Variants in ADAMTSL3 observed in about 807,000 individuals in gnomAD.
The protein encoded by ADAMTSL3 is ADAMTS like 3.
A neutral mutation model predicts 201.7 loss-of-function variants in ADAMTSL3; 128 were observed. That is an observed-to-expected ratio of 0.63 (90% CI 0.55 to 0.73). ADAMTSL3 has a LOEUF of 0.73. Ranked by LOEUF, ADAMTSL3 falls within the 30% of genes least tolerant of loss-of-function variation. The pLI is 0.00. For synonymous variants in ADAMTSL3, 738 were observed against 748.4 expected, an observed-to-expected ratio of 0.99 and a Z score of 0.23; for missense variants, 1,990 against 2,119.6, an observed-to-expected ratio of 0.94 and a Z score of 1.20.
intron 8 of ADAMTSL3, among the ~76,000 whole-genome samples, chr15:83,863,618 T>C (rs568049294): frequency 1.1e-3 from 167 of 152,308 alleles, no homozygotes; most frequent in South Asian, 6.0e-3. Context: ...CAAAGCAGTA[T>C]GTAGAGGGAA....
In ADAMTSL3 at chr15:83,970,597, G is replaced by T. The variant is rs770773405; in HGVS notation, c.2604G>T (p.Gly868=). Residue 868 remains glycine, a synonymous_variant, in exon 20 of 30, where the codon GGG becomes GGT. Transcript: ENST00000286744. ...AGATGATGTGCAGGGATCTACCAGGGCTCCCTCTTGTAAGATCTTGCCAGA... is the reference window on the plus strand; with the variant it reads ...AGATGATGTGCAGGGATCTACCAGGTCTCCCTCTTGTAAGATCTTGCCAGA... The part of the protein sequence containing the change: ...LSEMMCRDLP[G]LPLVRSCQMP... 1 of 1,614,192 alleles carries T rather than the reference G, an allele frequency of 6.2e-7. No homozygotes were observed.
chr15:83,804,572 G>GTT, intron 4 of ADAMTSL3, 78 bp from the exon 5 acceptor site: 1 of 669,678 alleles, frequency 1.5e-6, no homozygotes, highest in Non-Finnish European at 2.2e-6. Context: ...CCTTGTATTT[G>GTT]CTTTTTTTTT....
At chr15:83,687,186 A>G in intron 2 of ADAMTSL3, among the ~76,000 whole-genome samples, 1 of 152,236 alleles carries the variant, frequency 6.6e-6, no homozygotes. Context: ...CCTGGGCCGC[A>G]GAGTGAAACT....
At chr15:83,965,076 T>C (rs1489499419) in intron 19 of ADAMTSL3, among the ~76,000 whole-genome samples, 1 of 151,996 alleles carries the variant, frequency 6.6e-6, no homozygotes, top group Non-Finnish European at 1.5e-5. Context: ...ACATACCAAA[T>C]TGTAAAGACT....
intron 2 of ADAMTSL3, among the ~76,000 whole-genome samples, chr15:83,669,093 G>C (rs1253392908): frequency 6.6e-6 from 1 of 152,214 alleles, no homozygotes; most frequent in African/African-American, 2.4e-5. Context: ...TAGGGCAGGG[G>C]AGTGTGCTCC....
At chr15:83,681,834 ATATCAAGGATACTTCT>A (rs1296607490) in intron 2 of ADAMTSL3, among the ~76,000 whole-genome samples, 1 of 152,122 alleles carries the variant, frequency 6.6e-6, no homozygotes, top group African/African-American at 2.4e-5. Flanking sequence ...CTAACCCTCC[ATATCAAGGATACTTCT>A]AGAATTTTAT....
intron 4 of ADAMTSL3, among the ~76,000 whole-genome samples, chr15:83,777,549 A>C (rs1368146437): frequency 2.0e-5 from 3 of 152,104 alleles, no homozygotes; most frequent in Admixed American, 1.3e-4. Context: ...AGTTGGCTGA[A>C]TCCACCTTAT....
chr15:83,783,542 A>G lies in ADAMTSL3; in HGVS notation c.317+9892A>G, dbSNP rs576316528. Among the ~76,000 whole-genome samples, 40 of 152,296 alleles carry G rather than the reference A, an allele frequency of 2.6e-4. No homozygotes were observed. In the South Asian group the frequency reaches 8.1e-3, roughly 31 times the overall value. On this transcript the variant is annotated intron_variant, in intron 4 of 29. Transcript: ENST00000286744. ...CAAGGATACCGAAAGACTGAAAATAAAAGCATGGAAAAAAGCTATAATGTG... is the reference window on the plus strand; with the variant it reads ...CAAGGATACCGAAAGACTGAAAATAGAAGCATGGAAAAAAGCTATAATGTG...
In ADAMTSL3 at chr15:83,991,978, T is replaced by G. The variant is rs138317635; in HGVS notation, c.3973+764T>G. Among the ~76,000 whole-genome samples, 42 of 152,284 alleles carry G rather than the reference T, an allele frequency of 2.8e-4. 1 individual carries two copies. Among genetic ancestry groups the G allele is most frequent in the Admixed American group, 2.6e-3 (39 of 15,294 alleles). On this transcript the variant is annotated intron_variant, in intron 23 of 29. Transcript: ENST00000286744. ...GTGAGGGGGTTTTGTGAATAGCGTTTTATTGCTTCCTTAGAGAAACTTATG... is the reference window on the plus strand; with the variant it reads ...GTGAGGGGGTTTTGTGAATAGCGTTGTATTGCTTCCTTAGAGAAACTTATG...
chr15:83,694,105 A>G (rs891866725), intron 2 of ADAMTSL3, among the ~76,000 whole-genome samples: 3 of 152,214 alleles, frequency 2.0e-5, no homozygotes, highest in Admixed American at 2.0e-4. Flanking sequence ...CCCTGAGAGC[A>G]TGTTCTTCTT....
chr15:83,798,208 T>C (rs2063458572), intron 4 of ADAMTSL3, among the ~76,000 whole-genome samples: 2 of 152,210 alleles, frequency 1.3e-5, no homozygotes, highest in Admixed American at 1.3e-4. Flanking sequence ...AGGACTAATA[T>C]AGCATTCTTT....
intron 16 of ADAMTSL3, among the ~76,000 whole-genome samples, chr15:83,920,900 ATCATGG>A (rs2066130109): frequency 6.6e-6 from 1 of 152,186 alleles, no homozygotes; most frequent in South Asian, 2.1e-4. Context: ...GAGGGGGAGC[ATCATGG>A]CTCCATCTTT....
At chr15:83,977,601 TA>T (rs962979445) in intron 20 of ADAMTSL3, among the ~76,000 whole-genome samples, 11 of 148,140 alleles carry the variant, frequency 7.4e-5, no homozygotes, top group African/African-American at 1.5e-4. Context: ...AAAAAAAAGG[TA>T]AAAAAAAAAT....
intron 28 of ADAMTSL3, among the ~76,000 whole-genome samples, chr15:84,034,462 G>A (rs1596561275): frequency 6.6e-6 from 1 of 152,284 alleles, no homozygotes; most frequent in Admixed American, 6.5e-5. Flanking sequence ...CCATTGAAAA[G>A]TTGTAGAGGG....
At chr15:83,924,119 G>A in intron 17 of ADAMTSL3, 86 bp downstream of exon 17, 1 of 1,520,096 alleles carries the variant, frequency 6.6e-7, no homozygotes, top group Non-Finnish European at 8.9e-7. Flanking sequence ...GTGCAGACTT[G>A]TGGCTTCACC....
Position 83,947,099 on chromosome 15 carries a change from C to CT in ADAMTSL3, c.2490+4025dup, listed in dbSNP as rs535575366. Among the ~76,000 whole-genome samples, 407 of 152,100 alleles carry CT rather than the reference C, an allele frequency of 2.7e-3. 2 individuals are homozygous for CT. The highest frequency in any genetic ancestry group is 4.6e-3 in the Non-Finnish European group (310 of 67,970). On this transcript the variant is annotated intron_variant, in intron 19 of 29. Transcript: ENST00000286744. ...TTAAAATTTCTTCTCATCAGAGTTG[C>CT]TTTTTTTTGGCAGAGACTCTGATAC... is the stretch of plus-strand genomic sequence containing the variant.
intron 9 of ADAMTSL3, among the ~76,000 whole-genome samples, chr15:83,882,017 AT>A (rs1042365129): frequency 2.0e-5 from 3 of 152,026 alleles, no homozygotes; most frequent in Non-Finnish European, 4.4e-5. Flanking sequence ...TTAGCCAGGC[AT>A]GGTGGCGGGC....
chr15:83,925,730 C>T (rs528491240), intron 17 of ADAMTSL3, among the ~76,000 whole-genome samples: 33 of 152,260 alleles, frequency 2.2e-4, no homozygotes, highest in Non-Finnish European at 4.6e-4. Flanking sequence ...TGTAATGGCA[C>T]GTAGTAATCC....
intron 4 of ADAMTSL3, among the ~76,000 whole-genome samples, chr15:83,790,148 C>T (rs569317649): frequency 1.3e-4 from 19 of 150,648 alleles, no homozygotes; most frequent in African/African-American, 4.6e-4. Context: ...GCAAATTCTA[C>T]CAAGCATTTA....
Sources: allele counts gnomAD v4.1 joint callset (sites outside exome capture counted in the v4.1 genomes callset), GRCh38; gene constraint gnomAD v4.1.1; transcripts MANE v1.5; gene names NCBI Gene and HGNC (gene_info 2026-07-23, HGNC 2026-07-21).